The following ANKRD36B variants were observed in gnomAD, a reference collection of about 807,000 sequenced individuals.
The protein encoded by ANKRD36B is ankyrin repeat domain 36B.
Under a neutral mutation model 135.7 loss-of-function variants are expected in ANKRD36B, and 37 were observed. The observed-to-expected ratio is 0.27, with a 90% CI of 0.21 to 0.36. ANKRD36B has a LOEUF of 0.36. Among genes scored for constraint, ANKRD36B ranks in the 10% least tolerant of loss-of-function variants. ANKRD36B has a pLI of 1.00. For synonymous variants in ANKRD36B, 179 were observed against 348.1 expected, an observed-to-expected ratio of 0.51 and a Z score of 5.41; for missense variants, 549 against 1,037.1, an observed-to-expected ratio of 0.53 and a Z score of 6.46.
chr2:97,516,337 G>A (rs2104349653), intron 36 of ANKRD36B, among the ~76,000 whole-genome samples: 1 of 11,086 alleles, frequency 9.0e-5, no homozygotes, highest in South Asian at 1.2e-3. Flanking sequence ...AAAGAAGAAA[G>A]CAAAGCACTC....
intron 6 of ANKRD36B, among the ~76,000 whole-genome samples, chr2:97,569,870 C>T (rs2081719485): frequency 6.6e-6 from 1 of 151,800 alleles, no homozygotes; most frequent in Admixed American, 6.6e-5. Context: ...TATAAAAGCA[C>T]ATAAAGCAAA....
At chr2:97,559,289 A>C (rs1209849545) in intron 8 of ANKRD36B, among the ~76,000 whole-genome samples, 1 of 151,920 alleles carries the variant, frequency 6.6e-6, no homozygotes, top group Non-Finnish European at 1.5e-5. Flanking sequence ...GATGAGGACA[A>C]ATCAGAGGAG....
In ANKRD36B at chr2:97,560,737, C is replaced by T. The variant is rs1365585219; in HGVS notation, c.793G>A (p.Ala265Thr). Residue 265 changes from alanine (A) to threonine (T), a missense_variant and splice_region_variant, in exon 8 of 44, where the codon GCT becomes ACT. Ala to Thr is a moderately conservative substitution (Grantham distance 58). Transcript: ENST00000359901. ...ACAGAATCTTTGTCGTCACTTGTAG[C>T]CTGAATGGGATTTGAAACAAAATAA... ...VSPQKQRAEK[A>T]TSDDKDSVSN... 6.2e-7 allele frequency: 1 copy of T among 1,601,134 alleles called. No individual in the cohort carries two copies. The highest frequency in any genetic ancestry group is 8.5e-7 in the Non-Finnish European group (1 of 1,178,104).
rs1309946030 is a variant in ANKRD36B, at chr2:97,537,053, A to C, written c.2090-557T>G. Among the ~76,000 whole-genome samples the C allele has an allele frequency of 7.2e-5, 7 of 96,636 alleles. 1 individual carries two copies. The highest frequency in any genetic ancestry group is 2.8e-4 in the Admixed American group (3 of 10,796). The allele number at this position is 96,636 out of a possible 152,430, so 63.4% of individuals were successfully genotyped here. A position where few individuals can be genotyped will look rare whatever the true frequency, so the allele number is the denominator to read the frequency against. On this transcript the variant is annotated intron_variant, in intron 32 of 43. Transcript: ENST00000359901. ...TATGTTTGGTGAATCCTAGTAGTTA[A>C]TATTCATTATTTATCATGCCCATGT...
rs553088450 is a variant in ANKRD36B at position 97,524,110 on chromosome 2, C to T, written c.2266-643G>A. ...TATTTGCACTACAGTTGTCACATAA[C>T]GGCTTCTGGAACACATTCTGTATTG... On this transcript the variant is annotated intron_variant, in intron 35 of 43. Coordinates refer to ENST00000359901, the MANE Select transcript of ANKRD36B (RefSeq NM_001393939.1). The T allele has an allele frequency of 2.1e-4, 19 of 91,592 alleles. 3 individuals carry two copies. The highest frequency in any genetic ancestry group is 6.9e-4 in the Admixed American group (7 of 10,124). 5.7% of individuals were successfully genotyped at this position (91,592 alleles called of 1,614,324 possible).
In ANKRD36B at chr2:97,587,815, C is replaced by T. The variant is rs373973344; in HGVS notation, c.161+1710G>A. ...CCCTCACAAACTTGTGGATAGAAAACAGTATTTCATTCTTTTTTTAACTTA... is the reference window on the plus strand; with the variant it reads ...CCCTCACAAACTTGTGGATAGAAAATAGTATTTCATTCTTTTTTTAACTTA... On this transcript the variant is annotated intron_variant, in intron 1 of 43. Coordinates refer to ENST00000359901, the MANE Select transcript of ANKRD36B (RefSeq NM_001393939.1). Among the ~76,000 whole-genome samples the T allele has an allele frequency of 1.4e-3, 182 of 129,548 alleles. 1 individual carries two copies. The highest frequency in any genetic ancestry group is 3.4e-3 in the East Asian group (17 of 4,950). 85.0% of individuals were successfully genotyped at this position (129,548 alleles called of 152,430 possible). A position where few individuals can be genotyped will look rare whatever the true frequency, so the allele number is the denominator to read the frequency against.
chr2:97,558,684 G>C (rs2080748163), intron 10 of ANKRD36B, 115 bp downstream of exon 10: 11 of 1,269,736 alleles, frequency 8.7e-6, no homozygotes, highest in African/African-American at 1.4e-5. Context: ...AGGAATCTCA[G>C]GCCTGCTGAA....
chr2:97,542,023 A>G, intron 27 of ANKRD36B, 40 bp from the exon 28 acceptor site: 1 of 637,960 alleles, frequency 1.6e-6, no homozygotes, highest in African/African-American at 2.1e-5. Context: ...TACATAAAGT[A>G]TATATTCATA....
chr2:97,545,914 TCC>T, intron 22 of ANKRD36B, 53 bp from the exon 23 acceptor site: 1 of 879,124 alleles, frequency 1.1e-6, no homozygotes, highest in Non-Finnish European at 1.8e-6. Flanking sequence ...GATAAAGTTA[TCC>T]ATACATTCAT....
intron 3 of ANKRD36B, among the ~76,000 whole-genome samples, chr2:97,584,735 C>A (rs2082859354): frequency 1.5e-5 from 2 of 134,028 alleles, no homozygotes; most frequent in South Asian, 2.8e-4. Flanking sequence ...AGTTATTTAC[C>A]ATAAGTGCAT....
At position 97,560,717 on chromosome 2, in the gene ANKRD36B, A is replaced by G. The variant is rs1413344824; in HGVS notation, c.813T>C (p.Asp271=). The G allele has an allele frequency of 4.4e-6, 7 of 1,602,566 alleles. No homozygotes were observed. Among genetic ancestry groups the G allele is most frequent in the South Asian group, 1.1e-5 (1 of 90,940 alleles). Residue 271 remains aspartate, a synonymous_variant, in exon 8 of 44, where the codon GAT becomes GAC. Transcript: ENST00000359901. ...RAEKATSDDK[D]SVSNIATEIK... is the part of the protein sequence containing the mutation. ...TTTCTGTGGCTATATTTGAAACAGA[A>G]TCTTTGTCGTCACTTGTAGCCTGAA...
chr2:97,558,100 C>G (rs1477389004), intron 10 of ANKRD36B, among the ~76,000 whole-genome samples: 2 of 151,906 alleles, frequency 1.3e-5, no homozygotes, highest in Non-Finnish European at 2.9e-5. Context: ...TCATGTTTAT[C>G]TCATTTGAAT....
chr2:97,549,255 A>T (rs2079798535), intron 20 of ANKRD36B, among the ~76,000 whole-genome samples, 164 bp downstream of exon 20: 1 of 151,872 alleles, frequency 6.6e-6, no homozygotes, highest in South Asian at 2.1e-4. Context: ...CAGCAGCATC[A>T]GCATCAGCAT....
At chr2:97,579,075 A>G (rs1265021584) in intron 4 of ANKRD36B, 32 bp from the exon 5 acceptor site, 53 of 1,558,976 alleles carry the variant, frequency 3.4e-5, no homozygotes, top group Non-Finnish European at 4.4e-5. Flanking sequence ...TAAAAACTTT[A>G]ATGACATTTT....
chr2:97,560,511 CAG>C (rs900251619), intron 8 of ANKRD36B, among the ~76,000 whole-genome samples, 152 bp downstream of exon 8: 1 of 151,858 alleles, frequency 6.6e-6, no homozygotes, highest in African/African-American at 2.4e-5. Flanking sequence ...CCAGCAGTAT[CAG>C]AGTCACCTGA....
intron 32 of ANKRD36B, 97 bp downstream of exon 32, chr2:97,538,071 G>A: frequency 1.5e-6 from 1 of 681,562 alleles, no homozygotes; most frequent in Non-Finnish European, 2.4e-6. Context: ...GAATCAGAAA[G>A]TGCATTTTCA....
chr2:97,545,823 G>A lies in ANKRD36B; in HGVS notation c.1608+10C>T, dbSNP rs534984947. ...TTAATAGTTCAAAATACAAAAGAGA[G>A]TTTAATTACCTTCAAGGATGGTTGT... On this transcript the variant is annotated intron_variant, in intron 23 of 43. Coordinates refer to ENST00000359901, the MANE Select transcript of ANKRD36B (RefSeq NM_001393939.1). The A allele has an allele frequency of 1.4e-4, 132 of 961,946 alleles. 20 individuals are homozygous for A. The South Asian group carries it at 1.5e-3, about 11-fold the overall frequency. The allele number at this position is 961,946 out of a possible 1,614,324, so 59.6% of individuals were successfully genotyped here. A position where few individuals can be genotyped will look rare whatever the true frequency, so the allele number is the denominator to read the frequency against.
At chr2:97,564,563 A>T (rs1252727419) in intron 6 of ANKRD36B, among the ~76,000 whole-genome samples, 1 of 152,182 alleles carries the variant, frequency 6.6e-6, no homozygotes, top group Admixed American at 6.6e-5. Flanking sequence ...TATAAAGTGT[A>T]AGGAAGGGGT....
chr2:97,574,856 T>C (rs541707607), intron 6 of ANKRD36B, among the ~76,000 whole-genome samples: 1 of 152,160 alleles, frequency 6.6e-6, no homozygotes, highest in Non-Finnish European at 1.5e-5. Context: ...TGTGGGCACA[T>C]GTACTCAGAA....
Sources: gnomAD v4.1 joint callset for allele counts (sites outside exome capture counted in the v4.1 genomes callset) on GRCh38, gnomAD v4.1.1 for gene constraint, MANE v1.5 for transcripts, NCBI Gene and HGNC (gene_info 2026-07-23, HGNC 2026-07-21) for gene names.